KIF26B: variants seen among roughly 807,000 people sequenced by gnomAD.
KIF26B encodes kinesin-like protein KIF26B.
Under a neutral mutation model 151.2 loss-of-function variants are expected in KIF26B, and 63 were observed. The ratio of observed to expected loss-of-function variants is 0.42; its 90% CI spans 0.34 to 0.51. The LOEUF is 0.51. Ranked by LOEUF, KIF26B falls within the 20% of genes least tolerant of loss-of-function variation. The pLI is 0.07. For synonymous variants in KIF26B, 1,357 were observed against 1,262.1 expected (o/e 1.08, Z -1.59); for missense variants, 2,813 against 2,913.6 (o/e 0.97, Z 0.79).
chr1:245,571,921 G>A lies in KIF26B; in HGVS notation c.1351-30656G>A, dbSNP rs187737690. 7.2e-5 allele frequency among the ~76,000 whole-genome samples: 11 copies of A among 152,278 alleles called. No individual in the cohort carries two copies. In the East Asian group the frequency reaches 9.7e-4, roughly 13 times the overall value. On this transcript the variant is annotated intron_variant, in intron 5 of 14. Transcript: ENST00000407071. ...GTATCTACCATCAAAGGGGCTAATC[G>A]TCCGAGTGACAGACACGCATGGCTG...
At chr1:245,672,711 G>A (rs144556450) in intron 10 of KIF26B, among the ~76,000 whole-genome samples, 106 of 152,120 alleles carry the variant, frequency 7.0e-4, no homozygotes, top group African/African-American at 2.5e-3. Flanking sequence ...AAAGTCTGGA[G>A]GCTGGAAGTA....
chr1:245,184,050 G>GTTTTTTGTTTT (rs1553332272), intron 2 of KIF26B, among the ~76,000 whole-genome samples: 3 of 19,806 alleles, frequency 1.5e-4, no homozygotes, highest in Non-Finnish European at 9.9e-5. Context: ...GGGAGTTGTT[G>GTTTTTTGTTTT]TTTTTTTTTT....
rs986128091 is a variant in KIF26B at position 245,516,529 on chromosome 1, G to A, written c.1167-24238G>A. ...TGAATACACTGTGGGTCTATTATTC[G>A]CCTCTTCAGATCCAGCCCAGGAGTT... is the stretch of plus-strand genomic sequence containing the variant. On this transcript the variant is annotated intron_variant, in intron 4 of 14. Transcript: ENST00000407071. This position sits in a 1 kb window ranked among gnomAD's most constrained non-coding sequence, Gnocchi z 4.2. 6.6e-6 allele frequency among the ~76,000 whole-genome samples: 1 copy of A among 152,030 alleles called. No homozygotes were observed. Among genetic ancestry groups the A allele is most frequent in the African/African-American group, 2.4e-5 (1 of 41,376 alleles).
intron 2 of KIF26B, chr1:245,282,751 A>G (rs1352723483): frequency 4.7e-5 from 8 of 171,934 alleles, no homozygotes; most frequent in Non-Finnish European, 1.0e-4. Context: ...CTCTGTCTCT[A>G]TACAGGGGAG....
chr1:245,430,846 C>T (rs1302334250), intron 4 of KIF26B, among the ~76,000 whole-genome samples: 1 of 152,114 alleles, frequency 6.6e-6, no homozygotes, highest in East Asian at 1.9e-4. Flanking sequence ...TTGACCAAGT[C>T]CACACAACTA....
intron 4 of KIF26B, among the ~76,000 whole-genome samples, chr1:245,503,296 A>G (rs903477760): frequency 8.5e-5 from 13 of 152,148 alleles, no homozygotes; most frequent in African/African-American, 3.1e-4. Context: ...TTCATATTTC[A>G]TGTATATAAC....
intron 2 of KIF26B, among the ~76,000 whole-genome samples, chr1:245,343,075 G>A (rs1672368941): frequency 1.9e-5 from 2 of 106,550 alleles, no homozygotes; most frequent in Admixed American, 2.4e-4. Flanking sequence ...AACAGAGCGA[G>A]ACTCCATCTC....
rs116468848 is a variant in KIF26B at position 245,686,667 on chromosome 1, C to T, written c.3684C>T (p.Pro1228=). The T allele has an allele frequency of 0.05, 80,107 of 1,611,676 alleles. 2,456 individuals are homozygous for T. The highest frequency in any genetic ancestry group is 0.11 in the South Asian group (9,833 of 90,772). ...GGGCCCTGGCCTCGGGCTCGCGGCC[C>T]GTCAGCATCATCAGCAGCATCAGCG... ...SARALASGSR[P]VSIISSISED... Residue 1228 remains proline (P), a synonymous_variant, in exon 12 of 15, where the codon CCC becomes CCT. Coordinates refer to ENST00000407071, the MANE Select transcript of KIF26B (RefSeq NM_018012.4). The surrounding 1 kb of genome is among the most constrained non-coding windows in gnomAD (Gnocchi z 5.6).
intron 5 of KIF26B, among the ~76,000 whole-genome samples, chr1:245,551,888 C>A (rs1201861014): frequency 6.6e-6 from 1 of 152,110 alleles, no homozygotes; most frequent in Non-Finnish European, 1.5e-5. Flanking sequence ...GCTTCCGTAA[C>A]CCCCCAAAGT....
intron 4 of KIF26B, among the ~76,000 whole-genome samples, chr1:245,424,098 C>T (rs892511658): frequency 6.6e-6 from 1 of 152,156 alleles, no homozygotes; most frequent in Non-Finnish European, 1.5e-5. Context: ...TCCACCTTGG[C>T]CTCCCATAGT....
intron 4 of KIF26B, among the ~76,000 whole-genome samples, chr1:245,451,709 C>T (rs1468823443): frequency 6.8e-6 from 1 of 147,468 alleles, no homozygotes; most frequent in Non-Finnish European, 1.5e-5. Flanking sequence ...CAAAAATTCT[C>T]CTGCCTCAGC....
intron 4 of KIF26B, among the ~76,000 whole-genome samples, chr1:245,520,471 CATT>C (rs1279637393): frequency 2.0e-5 from 3 of 152,162 alleles, no homozygotes; most frequent in Non-Finnish European, 2.9e-5. Context: ...GTGTTGTCAT[CATT>C]AAGAAGTCAG....
At chr1:245,497,128 G>A (rs996753407) in intron 4 of KIF26B, among the ~76,000 whole-genome samples, 5 of 150,384 alleles carry the variant, frequency 3.3e-5, no homozygotes, top group African/African-American at 1.2e-4. Context: ...ACTCCAGCCT[G>A]GGCAACAAGG....
intron 2 of KIF26B, chr1:245,214,217 TAA>T (rs11285970): frequency 2.1e-5 from 3 of 145,898 alleles, no homozygotes; most frequent in African/African-American, 5.0e-5. Flanking sequence ...CTACAAAAAG[TAA>T]AAAAAAAAAG....
intron 4 of KIF26B, among the ~76,000 whole-genome samples, chr1:245,459,056 A>C (rs1396538154): frequency 1.3e-5 from 2 of 152,200 alleles, no homozygotes; most frequent in Non-Finnish European, 2.9e-5. Flanking sequence ...CAAAGGACTT[A>C]CTGCAGACTT....
intron 10 of KIF26B, among the ~76,000 whole-genome samples, chr1:245,651,214 C>T (rs564666236): frequency 2.0e-5 from 3 of 152,310 alleles, no homozygotes; most frequent in East Asian, 1.9e-4. Flanking sequence ...CTTGTAGCAT[C>T]GGGACACACC....
chr1:245,391,592 G>C (rs969674233), intron 3 of KIF26B, among the ~76,000 whole-genome samples: 1 of 150,918 alleles, frequency 6.6e-6, no homozygotes, highest in Admixed American at 6.6e-5. Flanking sequence ...AGGGGTTCAC[G>C]GTCATGCCTT....
At chr1:245,674,551 A>T (rs756220183) in intron 10 of KIF26B, among the ~76,000 whole-genome samples, 3 of 152,232 alleles carry the variant, frequency 2.0e-5, no homozygotes, top group Non-Finnish European at 4.4e-5. Flanking sequence ...CTATTGATTC[A>T]GGAGAAATCT....
rs765644368 is a variant in KIF26B, at chr1:245,688,071, C to G, written c.5088C>G (p.His1696Gln). Residue 1696 changes from histidine to glutamine, a missense_variant, in exon 12 of 15, where the codon CAC becomes CAG. By Grantham distance (24) the His-to-Gln change is conservative (BLOSUM62 0). Transcript: ENST00000407071. ...ESLSSVSSRLHAGKDGTMPRA... is the reference protein window; with the variant it reads ...ESLSSVSSRLQAGKDGTMPRA... ...TGTCCTCCGTGAGCTCCCGGCTGCA[C>G]GCGGGCAAGGACGGCACCATGCCCC... is the stretch of plus-strand genomic sequence containing the variant. 6.4e-7 allele frequency: 1 copy of G among 1,552,776 alleles called. No individual in the cohort carries two copies.
Sources: allele counts gnomAD v4.1 joint callset (sites outside exome capture counted in the v4.1 genomes callset), GRCh38; gene constraint gnomAD v4.1.1; non-coding constraint Gnocchi (gnomAD v3.1); transcripts MANE v1.5; gene names NCBI Gene and HGNC (gene_info 2026-07-23, HGNC 2026-07-21).